TENM3: variants seen among roughly 807,000 people sequenced by gnomAD.
The protein encoded by TENM3 is teneurin-3.
Under a neutral mutation model 255.1 loss-of-function variants are expected in TENM3, and 63 were observed. That is an observed-to-expected ratio of 0.25 (90% CI 0.20 to 0.30). TENM3 has a LOEUF of 0.30. Ranked by LOEUF, TENM3 falls within the 10% of genes least tolerant of loss-of-function variation. The probability of loss-of-function intolerance (pLI) is 1.00; values close to 1 mark genes in which losing one functional copy is unlikely to be tolerated. For missense variants in TENM3, 2,929 were observed against 3,461.1 expected, an observed-to-expected ratio of 0.85 and a Z score of 3.86; for synonymous variants, 1,306 against 1,322.3, an observed-to-expected ratio of 0.99 and a Z score of 0.27.
chr4:182,657,238 A>G (rs1016260267), intron 6 of TENM3, among the ~76,000 whole-genome samples: 1 of 152,134 alleles, frequency 6.6e-6, no homozygotes, highest in Non-Finnish European at 1.5e-5. Context: ...TGACTTTCCA[A>G]ATTCAACAGT....
rs1484514322 is a variant in TENM3, at chr4:182,779,053, TTTTC to T, written c.5304+3904_5304+3907del. ...AACAATGTGTTCTTTTTTTTTTTCC[TTTTC>T]TTTTTTTTTTTTATTATACTTTAAG... On this transcript the variant is annotated intron_variant, in intron 24 of 27. Transcript: ENST00000511685. Among the ~76,000 whole-genome samples the T allele has an allele frequency of 5.9e-3, 779 of 132,506 alleles. 6 individuals carry two copies. Among genetic ancestry groups the T allele is most frequent in the African/African-American group, 0.03 (746 of 24,518 alleles). 86.9% of individuals were successfully genotyped at this position (132,506 alleles called of 152,430 possible). A position where few individuals can be genotyped will look rare whatever the true frequency, so the allele number is the denominator to read the frequency against.
At chr4:182,278,474 AAGAACTATCTGCTGGGGCTGCTG>A (rs1174458748) in intron 1 of TENM3, among the ~76,000 whole-genome samples, 1 of 152,194 alleles carries the variant, frequency 6.6e-6, no homozygotes, top group Non-Finnish European at 1.5e-5. Context: ...AAATAGTACT[AAGAACTATCTGCTGGGGCTGCTG>A]AGTGCATGGT....
At chr4:181,713,462 T>G in the TENM3 span, among the ~76,000 whole-genome samples, 8 of 152,196 alleles carry the variant, frequency 5.3e-5, no homozygotes, top group Non-Finnish European at 1.2e-4. Flanking sequence ...AAGGAGGTAT[T>G]GTAGTATCTC....
At chr4:181,830,131 AG>A in the TENM3 span, among the ~76,000 whole-genome samples, 2 of 152,200 alleles carry the variant, frequency 1.3e-5, no homozygotes, top group Admixed American at 6.5e-5. Flanking sequence ...AATGTGGAAG[AG>A]CACCTGAGTC....
intron 1 of TENM3, among the ~76,000 whole-genome samples, chr4:182,225,992 CA>C: frequency 6.6e-6 from 1 of 152,182 alleles, no homozygotes; most frequent in Non-Finnish European, 1.5e-5. Context: ...TCGGGAAATA[CA>C]GACCAAGGGC....
chr4:182,490,819 G>A (rs1378068114), intron 3 of TENM3, among the ~76,000 whole-genome samples: 1 of 152,158 alleles, frequency 6.6e-6, no homozygotes, highest in African/African-American at 2.4e-5. Flanking sequence ...GCTCACACTG[G>A]ATGCTGAACT....
chr4:182,473,420 T>C (rs1258228962), intron 3 of TENM3, among the ~76,000 whole-genome samples: 1 of 152,214 alleles, frequency 6.6e-6, no homozygotes, highest in Non-Finnish European at 1.5e-5. Context: ...ATGCCTGTAA[T>C]CCCAGCACTT....
At chr4:182,776,632 C>T (rs1395101362) in intron 24 of TENM3, among the ~76,000 whole-genome samples, 13 of 152,010 alleles carry the variant, frequency 8.6e-5, no homozygotes, top group African/African-American at 2.9e-4. Context: ...AGTAAGTGTG[C>T]ACTTTTTTTT....
the TENM3 span, among the ~76,000 whole-genome samples, chr4:181,983,788 C>T: frequency 6.6e-6 from 1 of 151,910 alleles, no homozygotes; most frequent in African/African-American, 2.4e-5. Context: ...GGAAAAAAGC[C>T]ATACAGAAAA....
chr4:182,701,210 C>CTTTTTTTTTTTTTTTTTTTTTTTTTT lies in TENM3; in HGVS notation c.2221+12862_2222-12849dup, dbSNP rs35538818. ...TTTTCACATACAGTCCAACTCTTGACTTTTTTTTTTTTTTTTTTTTTTTTT... is the reference window on the plus strand; with the variant it reads ...TTTTCACATACAGTCCAACTCTTGACTTTTTTTTTTTTTTTTTTTTTTTTTTTTTTTTTTTTTTTTTTTTTTTTTTT... On this transcript the variant is annotated intron_variant, in intron 12 of 27. Coordinates refer to ENST00000511685, the MANE Select transcript of TENM3 (RefSeq NM_001080477.4). Among the ~76,000 whole-genome samples, 22 of 38,668 alleles carry CTTTTTTTTTTTTTTTTTTTTTTTTTT rather than the reference C, an allele frequency of 5.7e-4. 10 individuals carry two copies. Among genetic ancestry groups the CTTTTTTTTTTTTTTTTTTTTTTTTTT allele is most frequent in the African/African-American group, 7.2e-4 (6 of 8,368 alleles). The allele number at this position is 38,668 out of a possible 152,430, so 25.4% of individuals were successfully genotyped here.
At chr4:182,772,900 A>C (rs1764375539) in intron 22 of TENM3, among the ~76,000 whole-genome samples, 1 of 152,228 alleles carries the variant, frequency 6.6e-6, no homozygotes, top group Non-Finnish European at 1.5e-5. Context: ...CACTGCCAGC[A>C]TTCAAGCTCT....
chr4:182,465,722 T>G (rs1239361724), intron 3 of TENM3, among the ~76,000 whole-genome samples: 1 of 152,192 alleles, frequency 6.6e-6, no homozygotes, highest in African/African-American at 2.4e-5. Flanking sequence ...ACATCGGTGC[T>G]TTATTATTAA....
At chr4:182,417,574 A>C (rs1297926675) in intron 3 of TENM3, among the ~76,000 whole-genome samples, 1 of 152,220 alleles carries the variant, frequency 6.6e-6, no homozygotes, top group Admixed American at 6.5e-5. Flanking sequence ...TTGATTATTT[A>C]AAAATAATGC....
intron 1 of TENM3, among the ~76,000 whole-genome samples, chr4:182,153,554 G>T (rs1361824778): frequency 6.6e-6 from 1 of 152,104 alleles, no homozygotes; most frequent in Non-Finnish European, 1.5e-5. Context: ...CATTCTGAAA[G>T]TTTTCTATAA....
intron 1 of TENM3, among the ~76,000 whole-genome samples, chr4:182,283,294 G>A (rs1760518106): frequency 6.6e-6 from 1 of 152,112 alleles, no homozygotes; most frequent in Non-Finnish European, 1.5e-5. Flanking sequence ...AATTTAAGAT[G>A]GTGGTAATAA....
intron 1 of TENM3, among the ~76,000 whole-genome samples, chr4:182,258,350 A>G (rs1032025581): frequency 6.6e-6 from 1 of 152,182 alleles, no homozygotes; most frequent in African/African-American, 2.4e-5. Flanking sequence ...TCATTAGACA[A>G]TTAATAACTT....
intron 4 of TENM3, among the ~76,000 whole-genome samples, chr4:182,604,493 G>C (rs1286088447): frequency 6.6e-6 from 1 of 152,132 alleles, no homozygotes; most frequent in Non-Finnish European, 1.5e-5. Flanking sequence ...TACTTCAGCT[G>C]CTTCAGTATG....
chr4:182,342,888 C>A (rs1043641085), intron 2 of TENM3, among the ~76,000 whole-genome samples: 1 of 152,174 alleles, frequency 6.6e-6, no homozygotes, highest in Non-Finnish European at 1.5e-5. Context: ...TGAAAAATCC[C>A]TCACTGCTCC....
the TENM3 span, among the ~76,000 whole-genome samples, chr4:181,820,772 C>T: frequency 6.6e-6 from 1 of 152,160 alleles, no homozygotes; most frequent in Non-Finnish European, 1.5e-5. Context: ...CCCTCCCCCA[C>T]ACTGGTTTAG....
Sources: allele counts gnomAD v4.1 joint callset (sites outside exome capture counted in the v4.1 genomes callset), GRCh38; gene constraint gnomAD v4.1.1; transcripts MANE v1.5; gene names NCBI Gene and HGNC (gene_info 2026-07-23, HGNC 2026-07-21).